Variants in CACNA1D observed in about 807,000 individuals in gnomAD.
CACNA1D encodes the protein calcium voltage-gated channel subunit alpha1 D.
A neutral mutation model predicts 257.1 loss-of-function variants in CACNA1D; 55 were observed. The observed-to-expected ratio is 0.21, with a 90% CI of 0.17 to 0.27. The LOEUF is 0.27. Ranked by LOEUF, CACNA1D falls within the 10% of genes least tolerant of loss-of-function variation. The pLI, the probability that CACNA1D is intolerant of heterozygous loss-of-function variation, is 1.00. For missense variants in CACNA1D, 1,876 were observed against 2,784.0 expected, an observed-to-expected ratio of 0.67 and a Z score of 7.34; for synonymous variants, 980 against 1,014.9, an observed-to-expected ratio of 0.97 and a Z score of 0.65.
chr3:53,775,004 C>G (rs1176158027), intron 34 of CACNA1D, among the ~76,000 whole-genome samples: 1 of 152,184 alleles, frequency 6.6e-6, no homozygotes, highest in African/African-American at 2.4e-5. Context: ...TGAACACGAC[C>G]AGGAAGACAG....
intron 3 of CACNA1D, among the ~76,000 whole-genome samples, chr3:53,616,471 G>T (rs531543679): frequency 6.6e-6 from 1 of 152,182 alleles, no homozygotes; most frequent in East Asian, 1.9e-4. Flanking sequence ...CGCACATTCT[G>T]TCTCTCTGCC....
intron 8 of CACNA1D, among the ~76,000 whole-genome samples, chr3:53,682,374 A>AAAC (rs2094438714): frequency 1.1e-5 from 1 of 89,300 alleles, no homozygotes; most frequent in South Asian, 6.2e-4. Flanking sequence ...GTAAAAAAAA[A>AAAC]AAAAAAAAAA....
At chr3:53,624,498 CCAGA>C (rs1016265454) in intron 3 of CACNA1D, among the ~76,000 whole-genome samples, 2 of 152,208 alleles carry the variant, frequency 1.3e-5, no homozygotes, top group Admixed American at 1.3e-4. Context: ...CCTTTCCCAG[CCAGA>C]CAGTGTTTTG....
At chr3:53,665,033 G>T (rs574258958) in intron 5 of CACNA1D, among the ~76,000 whole-genome samples, 14 of 152,144 alleles carry the variant, frequency 9.2e-5, no homozygotes, top group African/African-American at 3.1e-4. Flanking sequence ...GGGAGTGATT[G>T]CCCTCAGCAA....
At chr3:53,648,550 G>A (rs569388044) in intron 3 of CACNA1D, among the ~76,000 whole-genome samples, 4 of 152,052 alleles carry the variant, frequency 2.6e-5, no homozygotes, top group Non-Finnish European at 5.9e-5. Context: ...GCCACGCCTC[G>A]CATGCCTCCC....
chr3:53,548,469 C>T (rs957804497), intron 3 of CACNA1D, among the ~76,000 whole-genome samples: 3 of 151,756 alleles, frequency 2.0e-5, no homozygotes, highest in South Asian at 2.1e-4. Flanking sequence ...GAACTTAACC[C>T]GACATTCTCT....
rs2095151810 is a variant in CACNA1D at position 53,744,833 on chromosome 3, G to C, written c.3006+6G>C. On this transcript the variant is annotated splice_donor_region_variant and intron_variant, in intron 23 of 47. Transcript: ENST00000350061. ...ACAGAGCAAAAGGACTTAAGGTTTT[G>C]ATTCCTCTCCTCCCGGCTGGGCTGG... 1 of 1,553,078 alleles carries C rather than the reference G, an allele frequency of 6.4e-7. No homozygotes were observed. Among genetic ancestry groups the C allele is most frequent in the Non-Finnish European group, 8.9e-7 (1 of 1,124,534 alleles).
rs76047132 is a variant in CACNA1D, at chr3:53,804,075, G to T, written c.5585+503G>T. ...CAGCAGAGGGGTCCATCTTGCTTCT[G>T]TCCTACAGAAAGAATGTTTGTTAGT... On this transcript the variant is annotated intron_variant, in intron 44 of 47. Coordinates refer to ENST00000350061, the MANE Select transcript of CACNA1D (RefSeq NM_001128840.3). Among the ~76,000 whole-genome samples the T allele has an allele frequency of 2.7e-3, 411 of 152,310 alleles. 20 individuals carry two copies. The East Asian group carries it at 0.07, about 26-fold the overall frequency.
chr3:53,675,464 C>T (rs536834142), intron 8 of CACNA1D, among the ~76,000 whole-genome samples: 150 of 152,292 alleles, frequency 9.8e-4, no homozygotes, highest in African/African-American at 3.3e-3. Flanking sequence ...GCTAAACTGA[C>T]GGAGGCCATG....
At chr3:53,627,906 A>C (rs1439499537) in intron 3 of CACNA1D, among the ~76,000 whole-genome samples, 1 of 152,076 alleles carries the variant, frequency 6.6e-6, no homozygotes, top group Non-Finnish European at 1.5e-5. Flanking sequence ...CCAGCTACTC[A>C]GGAGGCAGAG....
intron 2 of CACNA1D, among the ~76,000 whole-genome samples, chr3:53,499,974 A>G (rs1439637499): frequency 1.3e-5 from 2 of 152,142 alleles, no homozygotes; most frequent in Non-Finnish European, 2.9e-5. Context: ...ACCAATGTGA[A>G]TTAAAGCTGA....
intron 3 of CACNA1D, among the ~76,000 whole-genome samples, chr3:53,591,671 A>G (rs943819912): frequency 6.6e-6 from 1 of 152,248 alleles, no homozygotes; most frequent in Non-Finnish European, 1.5e-5. Flanking sequence ...AGTAATTGGC[A>G]ATTATAATTC....
chr3:53,718,227 G>A (rs928188475), intron 9 of CACNA1D, 74 bp from the exon 10 acceptor site: 2 of 1,296,786 alleles, frequency 1.5e-6, no homozygotes, highest in Admixed American at 3.4e-5. Context: ...TGGTGGCAGA[G>A]GCTCCCACCT....
chr3:53,673,683 A>G lies in CACNA1D; in HGVS notation c.1220+557A>G. Reference sequence around the variant, plus strand: ...GGCTCTGCTCTTTAGTAAATGGATAACTGATAACTGATCTCCTTACATTTT... The same window carrying G: ...GGCTCTGCTCTTTAGTAAATGGATAGCTGATAACTGATCTCCTTACATTTT... On this transcript the variant is annotated intron_variant, in intron 8 of 47. Coordinates refer to ENST00000350061, the MANE Select transcript of CACNA1D (RefSeq NM_001128840.3). This position sits in a 1 kb window ranked among gnomAD's most constrained non-coding sequence, Gnocchi z 4.1. 2 of 1,504,498 alleles carry G rather than the reference A, an allele frequency of 1.3e-6. No individual in the cohort carries two copies. The highest frequency in any genetic ancestry group is 1.9e-6 in the Non-Finnish European group (2 of 1,079,890). 93.2% of individuals were successfully genotyped at this position (1,504,498 alleles called of 1,614,324 possible).
intron 12 of CACNA1D, among the ~76,000 whole-genome samples, chr3:53,722,949 C>G (rs58521664): frequency 6.6e-6 from 1 of 152,108 alleles, no homozygotes; most frequent in Non-Finnish European, 1.5e-5. Flanking sequence ...ACCCGTTTCC[C>G]TCTACCTCTC....
intron 8 of CACNA1D, among the ~76,000 whole-genome samples, chr3:53,681,927 G>T (rs1559508385): frequency 6.6e-6 from 1 of 152,106 alleles, no homozygotes. Context: ...AAGGAGCAGA[G>T]GATGCTGGAG....
intron 21 of CACNA1D, among the ~76,000 whole-genome samples, chr3:53,742,196 G>C (rs937248228): frequency 2.0e-5 from 3 of 152,192 alleles, no homozygotes; most frequent in Non-Finnish European, 4.4e-5. Context: ...GATTTCATAA[G>C]GTTCAATGTA....
intron 25 of CACNA1D, among the ~76,000 whole-genome samples, chr3:53,746,798 T>C (rs1316612295): frequency 6.6e-6 from 1 of 152,184 alleles, no homozygotes; most frequent in Non-Finnish European, 1.5e-5. Context: ...CTTCCAGAAA[T>C]GAAGTTCTGG....
At chr3:53,675,642 A>G (rs1217877205) in intron 8 of CACNA1D, among the ~76,000 whole-genome samples, 1 of 152,192 alleles carries the variant, frequency 6.6e-6, no homozygotes, top group African/African-American at 2.4e-5. Flanking sequence ...CACTATCACA[A>G]ATGGGGATTA....
Sources: allele counts gnomAD v4.1 joint callset (sites outside exome capture counted in the v4.1 genomes callset), GRCh38; gene constraint gnomAD v4.1.1; non-coding constraint Gnocchi (gnomAD v3.1); transcripts MANE v1.5; gene names NCBI Gene and HGNC (gene_info 2026-07-23, HGNC 2026-07-21).